AGMO: variants seen among roughly 807,000 people sequenced by gnomAD.
AGMO encodes glyceryl-ether monooxygenase.
Under a neutral mutation model 60.2 loss-of-function variants are expected in AGMO, and 75 were observed. The ratio of observed to expected loss-of-function variants is 1.25; its 90% CI spans 1.03 to 1.51. The LOEUF is 1.51. Ranked by LOEUF, AGMO falls within the 40% of genes most tolerant of loss-of-function variation. The probability of loss-of-function intolerance (pLI) is 0.00; values close to 1 mark genes in which losing one functional copy is unlikely to be tolerated. For synonymous variants in AGMO, 261 were observed against 177.1 expected (o/e 1.47, Z -3.76); for missense variants, 763 against 525.5 (o/e 1.45, Z -4.42).
chr7:15,268,069 A>AG (rs1192665379), intron 12 of AGMO, among the ~76,000 whole-genome samples: 1 of 151,834 alleles, frequency 6.6e-6, no homozygotes, highest in Non-Finnish European at 1.5e-5. Context: ...ATCTGTTAAG[A>AG]GAAACATTAA....
chr7:15,322,861 T>A (rs775927616), intron 12 of AGMO, among the ~76,000 whole-genome samples: 1 of 145,068 alleles, frequency 6.9e-6, no homozygotes, highest in Admixed American at 7.1e-5. Context: ...ATGTGACACA[T>A]AACACAAAAT....
chr7:15,198,242 A>AGAGAGG (rs1781180638), downstream of AGMO, among the ~76,000 whole-genome samples: 2 of 103,688 alleles, frequency 1.9e-5, no homozygotes, highest in Non-Finnish European at 3.6e-5. Context: ...AGAGAGAGAG[A>AGAGAGG]GAGAGAGAGA....
intron 12 of AGMO, among the ~76,000 whole-genome samples, chr7:15,275,252 C>T (rs1341889106): frequency 6.6e-6 from 1 of 151,850 alleles, no homozygotes; most frequent in East Asian, 1.9e-4. Flanking sequence ...AATATTATGT[C>T]TCCTCATTCA....
chr7:15,307,567 T>C (rs902915360), intron 12 of AGMO, among the ~76,000 whole-genome samples: 2 of 151,992 alleles, frequency 1.3e-5, no homozygotes, highest in African/African-American at 4.8e-5. Flanking sequence ...ACACTATAAT[T>C]ACCTAATCAT....
At chr7:15,277,874 T>C (rs2128517300) in intron 12 of AGMO, among the ~76,000 whole-genome samples, 1 of 152,256 alleles carries the variant, frequency 6.6e-6, no homozygotes, top group East Asian at 1.9e-4. Context: ...ACACCTGGCT[T>C]GCCTATGATA....
At chr7:15,229,244 T>C (rs1289138055) in intron 12 of AGMO, among the ~76,000 whole-genome samples, 2 of 152,114 alleles carry the variant, frequency 1.3e-5, no homozygotes, top group Non-Finnish European at 2.9e-5. Context: ...ATTTCATTGA[T>C]AATTTTATCA....
rs1782322445 is a variant in AGMO at position 15,353,173 on chromosome 7, T to C, written c.1263+12341A>G. 3.9e-5 allele frequency among the ~76,000 whole-genome samples: 6 copies of C among 152,176 alleles called. No individual in the cohort carries two copies. The South Asian group carries it at 1.2e-3, about 32-fold the overall frequency. ...AATAACTTCTTAGGAGTAAATGATG[T>C]TTACTTTAAGCTGCTGCTCGTAATT... On this transcript the variant is annotated intron_variant, in intron 12 of 12. Coordinates refer to ENST00000342526, the MANE Select transcript of AGMO (RefSeq NM_001004320.2).
chr7:15,132,583 G>A, the AGMO span, among the ~76,000 whole-genome samples: 2 of 152,104 alleles, frequency 1.3e-5, no homozygotes, highest in Non-Finnish European at 2.9e-5. Context: ...TAGTGACAGG[G>A]AAATAATGGC....
chr7:15,293,173 T>A (rs1043436136), intron 12 of AGMO, among the ~76,000 whole-genome samples: 4 of 152,142 alleles, frequency 2.6e-5, no homozygotes, highest in Non-Finnish European at 5.9e-5. Flanking sequence ...CAAGTAAGAC[T>A]TAGTTTCAAT....
intron 12 of AGMO, among the ~76,000 whole-genome samples, chr7:15,240,625 T>C (rs1292333842): frequency 6.6e-6 from 1 of 152,202 alleles, no homozygotes; most frequent in East Asian, 1.9e-4. Context: ...ATAAAACAAA[T>C]ACTTATTTTG....
Position 15,201,209 on chromosome 7 carries a change from A to T in AGMO, c.*76T>A, listed in dbSNP as rs1781270531. On this transcript the variant is annotated 3_prime_UTR_variant, in exon 13 of 13. Transcript: ENST00000342526. ...AGTTCATATAAGCATTACATAAAAT[A>T]ATTACATTTTAATATGCAGTCATAA... The T allele has an allele frequency of 1.1e-6, 1 of 911,886 alleles. No individual in the cohort carries two copies. The highest frequency in any genetic ancestry group is 1.6e-6 in the Non-Finnish European group (1 of 606,912). 56.5% of individuals were successfully genotyped at this position (911,886 alleles called of 1,614,324 possible). A position where few individuals can be genotyped will look rare whatever the true frequency, so the allele number is the denominator to read the frequency against.
chr7:15,482,446 G>A (rs1351956379), intron 3 of AGMO, among the ~76,000 whole-genome samples: 1 of 151,894 alleles, frequency 6.6e-6, no homozygotes, highest in African/African-American at 2.4e-5. Context: ...ATATCAAAAA[G>A]GAAATAATAA....
At chr7:15,517,592 A>G (rs1274106441) in intron 3 of AGMO, among the ~76,000 whole-genome samples, 1 of 151,678 alleles carries the variant, frequency 6.6e-6, no homozygotes, top group Non-Finnish European at 1.5e-5. Context: ...AGCCAAGGGA[A>G]GCTGTGAGGG....
chr7:15,388,438 A>G (rs1784011524), intron 8 of AGMO, among the ~76,000 whole-genome samples: 1 of 152,162 alleles, frequency 6.6e-6, no homozygotes, highest in Non-Finnish European at 1.5e-5. Context: ...ATAATAATAC[A>G]GAAAACCAAT....
intron 12 of AGMO, among the ~76,000 whole-genome samples, chr7:15,250,152 T>C (rs1355541267): frequency 6.6e-6 from 1 of 152,158 alleles, no homozygotes; most frequent in Non-Finnish European, 1.5e-5. Flanking sequence ...AATTTCATAT[T>C]GTTGGCTGAC....
chr7:15,293,855 G>A (rs919589177), intron 12 of AGMO, among the ~76,000 whole-genome samples: 4 of 152,072 alleles, frequency 2.6e-5, no homozygotes, highest in Non-Finnish European at 5.9e-5. Context: ...TAACACTTGT[G>A]TATATTTAAA....
chr7:15,237,074 A>C (rs1782445401), intron 12 of AGMO, among the ~76,000 whole-genome samples: 1 of 152,178 alleles, frequency 6.6e-6, no homozygotes, highest in Non-Finnish European at 1.5e-5. Context: ...AGCATTGTGA[A>C]ATCAGTCTCA....
At chr7:15,154,135 G>A in the AGMO span, among the ~76,000 whole-genome samples, 3 of 152,050 alleles carry the variant, frequency 2.0e-5, no homozygotes, top group African/African-American at 7.2e-5. Context: ...AAACCCTAAA[G>A]ATTCATCCAA....
At chr7:15,383,627 C>T (rs1488469817) in intron 10 of AGMO, among the ~76,000 whole-genome samples, 1 of 151,852 alleles carries the variant, frequency 6.6e-6, no homozygotes, top group Non-Finnish European at 1.5e-5. Flanking sequence ...TATTGATAAT[C>T]CTAGATTAGA....
Sources: gnomAD v4.1 joint callset for allele counts (sites outside exome capture counted in the v4.1 genomes callset) on GRCh38, gnomAD v4.1.1 for gene constraint, MANE v1.5 for transcripts, NCBI Gene and HGNC (gene_info 2026-07-23, HGNC 2026-07-21) for gene names.